CLSTN1: variants seen among roughly 807,000 people sequenced by gnomAD.
The protein encoded by CLSTN1 is calsyntenin-1.
In CLSTN1, 28 loss-of-function variants were observed where a neutral mutation model predicts 108.3. The ratio of observed to expected loss-of-function variants is 0.26; its 90% CI spans 0.19 to 0.35. CLSTN1 has a LOEUF of 0.35. Among genes scored for constraint, CLSTN1 ranks in the 10% least tolerant of loss-of-function variants. The pLI, the probability that CLSTN1 is intolerant of heterozygous loss-of-function variation, is 1.00. For missense variants in CLSTN1, 1,157 were observed against 1,302.6 expected, an observed-to-expected ratio of 0.89 and a Z score of 1.72; for synonymous variants, 524 against 534.9, an observed-to-expected ratio of 0.98 and a Z score of 0.28.
In CLSTN1 at chr1:9,773,277, A is replaced by T. The variant is rs1129358; in HGVS notation, c.209T>A (p.Phe70Tyr). Residue 70 changes from phenylalanine to tyrosine, a missense_variant, in exon 2 of 19, where the codon TTT becomes TAT. Coordinates refer to ENST00000377298, the MANE Select transcript of CLSTN1 (RefSeq NM_001009566.3). The part of the protein sequence containing the change: ...IALDKDAPLR[F>Y]AESFEVTVTK... Reference sequence around the variant, plus strand: ...AATGAAAGCCCCGTTCCTACCTGCAAATCGCAGAGGCGCATCTTTATCCAG... The same window carrying T: ...AATGAAAGCCCCGTTCCTACCTGCATATCGCAGAGGCGCATCTTTATCCAG... 5,465 of 1,614,016 alleles carry T rather than the reference A, an allele frequency of 3.4e-3. 108 individuals are homozygous for T. The East Asian group carries it at 0.048, about 14-fold the overall frequency.
intron 2 of CLSTN1, among the ~76,000 whole-genome samples, chr1:9,759,401 G>A (rs1019555540): frequency 1.3e-5 from 2 of 152,044 alleles, no homozygotes; most frequent in South Asian, 2.1e-4. Flanking sequence ...TCAGCCTCCC[G>A]AGTAGCTGGG....
intron 1 of CLSTN1, among the ~76,000 whole-genome samples, chr1:9,800,441 T>C (rs949207001): frequency 1.3e-5 from 2 of 150,262 alleles, no homozygotes; most frequent in Non-Finnish European, 3.0e-5. Context: ...ATAAAGGGGC[T>C]GGGCATGGTG....
intron 1 of CLSTN1, among the ~76,000 whole-genome samples, chr1:9,806,780 G>A (rs1262857585): frequency 1.3e-5 from 2 of 152,002 alleles, no homozygotes; most frequent in Non-Finnish European, 2.9e-5. Flanking sequence ...TCGGGAGGCT[G>A]AGGCAGGAAA....
chr1:9,767,111 G>A (rs1393855247), intron 2 of CLSTN1, among the ~76,000 whole-genome samples: 1 of 152,246 alleles, frequency 6.6e-6, no homozygotes, highest in African/African-American at 2.4e-5. Context: ...GAGTGACTGT[G>A]TTCCAGGCAC....
intron 16 of CLSTN1, among the ~76,000 whole-genome samples, chr1:9,732,691 C>T (rs934976413): frequency 1.3e-5 from 2 of 152,248 alleles, no homozygotes; most frequent in Admixed American, 6.5e-5. Context: ...GGTCTGTAGA[C>T]GACCTCAGAG....
At chr1:9,775,946 A>C (rs185928497) in intron 1 of CLSTN1, among the ~76,000 whole-genome samples, 3 of 150,936 alleles carry the variant, frequency 2.0e-5, no homozygotes, top group East Asian at 3.9e-4. Flanking sequence ...ATCTGGAAGG[A>C]AGACAGACCA....
chr1:9,776,063 C>T (rs562587309), intron 1 of CLSTN1, among the ~76,000 whole-genome samples: 61 of 151,854 alleles, frequency 4.0e-4, no homozygotes, highest in Non-Finnish European at 7.4e-4. Flanking sequence ...ACCTTCGCCT[C>T]TCAGGTTCAA....
chr1:9,794,451 G>A (rs559456552), intron 1 of CLSTN1, among the ~76,000 whole-genome samples: 1 of 151,532 alleles, frequency 6.6e-6, no homozygotes, highest in Non-Finnish European at 1.5e-5. Flanking sequence ...TGAGATCACA[G>A]GCGTGCTTCA....
chr1:9,776,816 G>A (rs1256127628), intron 1 of CLSTN1, among the ~76,000 whole-genome samples: 1 of 149,706 alleles, frequency 6.7e-6, no homozygotes, highest in Non-Finnish European at 1.5e-5. Flanking sequence ...CTATCTATCA[G>A]CATTTATCTA....
In CLSTN1 at chr1:9,755,258, A is replaced by T. The variant is rs199722695; in HGVS notation, c.296T>A (p.Val99Glu). Residue 99 changes from valine to glutamate, a missense_variant, in exon 4 of 19, where the codon GTG becomes GAG. Physicochemically the swap from Val to Glu is moderately radical, Grantham distance 121. Coordinates refer to ENST00000377298, the MANE Select transcript of CLSTN1 (RefSeq NM_001009566.3). Reference protein sequence around the residue: ...IHGQNVPFDAVVVDKSTGEGV... With the variant: ...IHGQNVPFDAEVVDKSTGEGV... Reference sequence around the variant, plus strand: ...CTCACCAGTGGATTTATCCACTACCACTGCATCAAAGGGGACATTCTGCCC... The same window carrying T: ...CTCACCAGTGGATTTATCCACTACCTCTGCATCAAAGGGGACATTCTGCCC... 70 of 1,613,850 alleles carry T rather than the reference A, an allele frequency of 4.3e-5. No individual in the cohort carries two copies. The highest frequency in any genetic ancestry group is 5.4e-5 in the Non-Finnish European group (64 of 1,179,836).
chr1:9,765,324 C>T (rs1045294800), intron 2 of CLSTN1, among the ~76,000 whole-genome samples: 6 of 151,764 alleles, frequency 4.0e-5, no homozygotes, highest in Non-Finnish European at 5.9e-5. Flanking sequence ...GCGGAGGTTG[C>T]GGTGAGCTGA....
intron 1 of CLSTN1, among the ~76,000 whole-genome samples, chr1:9,787,164 A>G (rs1306735075): frequency 2.1e-5 from 3 of 145,516 alleles, no homozygotes; most frequent in Non-Finnish European, 3.0e-5. Flanking sequence ...GAGGAATGAC[A>G]GGGCAGGAGA....
At chr1:9,745,406 C>T (rs1651210439) in intron 7 of CLSTN1, among the ~76,000 whole-genome samples, 1 of 152,100 alleles carries the variant, frequency 6.6e-6, no homozygotes. Context: ...CCTGTAATCC[C>T]AGCACTTTGG....
chr1:9,803,026 G>A (rs1343529291), intron 1 of CLSTN1, among the ~76,000 whole-genome samples: 1 of 152,038 alleles, frequency 6.6e-6, no homozygotes, highest in Non-Finnish European at 1.5e-5. Flanking sequence ...GTTTCGCTAT[G>A]TTGTCCAGGC....
At chr1:9,769,681 TAGAC>T (rs1396990502) in intron 2 of CLSTN1, among the ~76,000 whole-genome samples, 2 of 152,122 alleles carry the variant, frequency 1.3e-5, no homozygotes, top group Non-Finnish European at 2.9e-5. Context: ...GTTCTGGAGT[TAGAC>T]AGTGGTTGGC....
chr1:9,773,406 A>G lies in CLSTN1; in HGVS notation c.92-12T>C, dbSNP rs566497189. 4.4e-6 allele frequency: 7 copies of G among 1,584,254 alleles called. No homozygotes were observed. In the South Asian group the frequency reaches 8.0e-5, roughly 18 times the overall value. ...CTTGTGCTTGTTAACTGTGTTTAAA[A>G]CAAGAGAAAAAAATAGACAAGGTTA... On this transcript the variant is annotated splice_polypyrimidine_tract_variant and intron_variant, in intron 1 of 18. Coordinates refer to ENST00000377298, the MANE Select transcript of CLSTN1 (RefSeq NM_001009566.3).
At chr1:9,769,776 C>G (rs1048986471) in intron 2 of CLSTN1, among the ~76,000 whole-genome samples, 3 of 152,158 alleles carry the variant, frequency 2.0e-5, no homozygotes, top group Non-Finnish European at 4.4e-5. Context: ...GGCGCGGTGG[C>G]TCACGCCTAT....
chr1:9,784,141 C>T (rs868638863), intron 1 of CLSTN1, among the ~76,000 whole-genome samples: 3 of 144,290 alleles, frequency 2.1e-5, no homozygotes, highest in Admixed American at 7.3e-5. Flanking sequence ...CACTGCACTC[C>T]AGCCTGGGCG....
At position 9,730,609 on chromosome 1, in the gene CLSTN1, C is replaced by T. The variant is rs1180529851; in HGVS notation, c.2845G>A (p.Glu949Lys). 5 of 1,610,364 alleles carry T rather than the reference C, an allele frequency of 3.1e-6. No individual in the cohort carries two copies. Among genetic ancestry groups the T allele is most frequent in the South Asian group, 1.1e-5 (1 of 91,072 alleles). The change falls in exon 19 of 19, where the codon GAG becomes AAG. Residue 949 changes from glutamate to lysine, a missense_variant. By Grantham distance (56) the Glu-to-Lys change is moderately conservative. Coordinates refer to ENST00000377298, the MANE Select transcript of CLSTN1 (RefSeq NM_001009566.3). The surrounding 1 kb of genome is among the most constrained non-coding windows in gnomAD (Gnocchi z 5.6). ...TCCTCCTCCTCGCTGCTCTCCGACT[C>T]GGCGCTGGTGATGTCATCCTCTTCT... is the stretch of plus-strand genomic sequence containing the variant. ...GEEEDDITSAESESSEEEEGE... is the reference protein window; with the variant it reads ...GEEEDDITSAKSESSEEEEGE...
Sources: allele counts gnomAD v4.1 joint callset (sites outside exome capture counted in the v4.1 genomes callset), GRCh38; gene constraint gnomAD v4.1.1; non-coding constraint Gnocchi (gnomAD v3.1); transcripts MANE v1.5; gene names NCBI Gene and HGNC (gene_info 2026-07-23, HGNC 2026-07-21).